EBLN1: variants seen among roughly 807,000 people sequenced by gnomAD.
The protein encoded by EBLN1 is endogenous Bornavirus like nucleoprotein 1, also known as endogenous Bornavirus-like nucleoprotein 1.
A neutral mutation model predicts 0.8 loss-of-function variants in EBLN1; 1 was observed. That is an observed-to-expected ratio of 1.32 (90% CI 0.47 to 6.26). EBLN1 has a LOEUF of 6.26. EBLN1 is among the 30% of genes most tolerant of loss of function. The pLI is 0.15. For missense variants in EBLN1, 396 were observed against 447.9 expected (o/e 0.88, Z 1.05); for synonymous variants, 158 against 158.5 (o/e 1.00, Z 0.02).
chr10:22,214,165 C>T (rs1300263672), intron 1 of EBLN1, among the ~76,000 whole-genome samples: 3 of 152,042 alleles, frequency 2.0e-5, no homozygotes, highest in African/African-American at 7.2e-5. Context: ...TTATACCATC[C>T]ACCCAAATAA....
chr10:22,209,014 T>C lies in EBLN1; in HGVS notation c.970A>G (p.Ile324Val). The C allele has an allele frequency of 6.5e-7, 1 of 1,535,894 alleles. No homozygotes were observed. Among genetic ancestry groups the C allele is most frequent in the Non-Finnish European group, 8.7e-7 (1 of 1,146,918 alleles). ...AATGTAATAGTTGATCCTGGTATAA[T>C]GTCAAGGGCTTCAAATCCAGAAAAT... ...STFSGFEALDIIPGSTITFPV... is the reference protein window; with the variant it reads ...STFSGFEALDVIPGSTITFPV... Residue 324 changes from isoleucine to valine, a missense_variant, in exon 3 of 3, where the codon ATT becomes GTT. Physicochemically the swap from Ile to Val is conservative, Grantham distance 29. Transcript: ENST00000422359.
At chr10:22,215,455 G>A (rs1834785141) in intron 1 of EBLN1, among the ~76,000 whole-genome samples, 1 of 152,112 alleles carries the variant, frequency 6.6e-6, no homozygotes, top group African/African-American at 2.4e-5. Context: ...GAAATTATCA[G>A]CATTGCTAAT....
intron 2 of EBLN1, among the ~76,000 whole-genome samples, chr10:22,211,965 AAACTT>A (rs1042930292): frequency 6.6e-6 from 1 of 152,228 alleles, no homozygotes; most frequent in African/African-American, 2.4e-5. Context: ...TCATGCAACT[AAACTT>A]AACTAGCAGT....
intron 2 of EBLN1, among the ~76,000 whole-genome samples, chr10:22,211,955 T>A (rs1339566514): frequency 6.6e-6 from 1 of 152,230 alleles, no homozygotes; most frequent in Non-Finnish European, 1.5e-5. Flanking sequence ...ATTTAGTTAA[T>A]CATGCAACTA....
Position 22,209,807 on chromosome 10 carries a change from T to G in EBLN1, c.177A>C (p.Ala59=). 2 of 1,534,780 alleles carry G rather than the reference T, an allele frequency of 1.3e-6. No individual in the cohort carries two copies. Among genetic ancestry groups the G allele is most frequent in the South Asian group, 2.4e-5 (2 of 83,906 alleles). ...GTGCTGGGTCTAGCATAGACTTAGT[T>G]GCTTTTTCAATGACCTTAACATCTC... ...GIGDVKVIEK[A]TKSMLDPAQR... Residue 59 remains alanine, a synonymous_variant, in exon 3 of 3, where the codon GCA becomes GCC. Coordinates refer to ENST00000422359, the MANE Select transcript of EBLN1 (RefSeq NM_001394757.1).
In EBLN1 at chr10:22,209,273, G is replaced by A. The variant is rs1485374906; in HGVS notation, c.711C>T (p.Tyr237=). 6.3e-7 allele frequency: 1 copy of A among 1,586,442 alleles called. No homozygotes were observed. Among genetic ancestry groups the A allele is most frequent in the East Asian group, 2.2e-5 (1 of 44,614 alleles). Residue 237 remains tyrosine (Y), a synonymous_variant, in exon 3 of 3, where the codon TAC becomes TAT. Coordinates refer to ENST00000422359, the MANE Select transcript of EBLN1 (RefSeq NM_001394757.1). ...VVASKAQMMT[Y]YTVRMFLDQC... ...GATCCAGGAACATTCTCACAGTGTA[G>A]TAGGTCATCATCTGTGCTTTGCTGG...
Position 22,209,181 on chromosome 10 carries a change from T to G in EBLN1, c.803A>C (p.Lys268Thr). ...TCCAAGTACCTTTTTAGCCAGTGGT[T>G]TCTTCTGCTCAAAAACTGGAATCTC... ...VLEIPVFEQKKPLAKKVLGDF... is the reference protein window; with the variant it reads ...VLEIPVFEQKTPLAKKVLGDF... Residue 268 changes from lysine (K) to threonine (T), a missense_variant, in exon 3 of 3, where the codon AAA (lysine) becomes ACA (threonine). Lys to Thr is a moderately conservative substitution (Grantham distance 78, BLOSUM62 -1). Coordinates refer to ENST00000422359, the MANE Select transcript of EBLN1 (RefSeq NM_001394757.1). 6.5e-7 allele frequency: 1 copy of G among 1,536,200 alleles called. No homozygotes were observed. The highest frequency in any genetic ancestry group is 2.0e-5 in the Admixed American group (1 of 51,020).
At chr10:22,214,320 G>C (rs992015662) in intron 1 of EBLN1, among the ~76,000 whole-genome samples, 1 of 128,092 alleles carries the variant, frequency 7.8e-6, no homozygotes, top group African/African-American at 3.1e-5. Context: ...TTTTTTTTGA[G>C]ACAAGGACTC....
In EBLN1 at chr10:22,212,901, G is replaced by A. The variant is rs1463654732; in HGVS notation, c.-104C>T. Among the ~76,000 whole-genome samples the A allele has an allele frequency of 6.7e-6, 1 of 150,372 alleles. No homozygotes were observed. Among genetic ancestry groups the A allele is most frequent in the African/African-American group, 2.5e-5 (1 of 40,718 alleles). ...AGGATTGCTTGACTCCAGGAGCTCAGAGGTGCAGTGAGCTATGATCATACC... is the reference window on the plus strand; with the variant it reads ...AGGATTGCTTGACTCCAGGAGCTCAAAGGTGCAGTGAGCTATGATCATACC... On this transcript the variant is annotated 5_prime_UTR_variant, in exon 2 of 3. Transcript: ENST00000422359.
Position 22,209,418 on chromosome 10 carries a change from G to A in EBLN1, c.566C>T (p.Ala189Val), listed in dbSNP as rs772561065. The A allele has an allele frequency of 6.9e-6, 11 of 1,602,624 alleles. No individual in the cohort carries two copies. Among genetic ancestry groups the A allele is most frequent in the Non-Finnish European group, 9.3e-6 (11 of 1,179,834 alleles). Residue 189 changes from alanine (A) to valine (V), a missense_variant, in exon 3 of 3, where the codon GCA (alanine) becomes GTA (valine). By Grantham distance (64) the Ala-to-Val change is moderately conservative. Transcript: ENST00000422359. ...ESADLLISYN[A>V]GPAIDWINSR... ...GTTGATCCAATCTATAGCTGGCCCT[G>A]CATTATAGCTAATTAATAAATCAGC...
chr10:22,209,943 T>C lies in EBLN1; in HGVS notation c.41A>G (p.Gln14Arg). 6.9e-7 allele frequency: 1 copy of C among 1,440,128 alleles called. No individual in the cohort carries two copies. The highest frequency in any genetic ancestry group is 2.8e-5 in the Admixed American group (1 of 35,752). The allele number at this position is 1,440,128 out of a possible 1,614,324, so 89.2% of individuals were successfully genotyped here. A position where few individuals can be genotyped will look rare whatever the true frequency, so the allele number is the denominator to read the frequency against. ...PRNNPQTSSP[Q>R]DSTKDGSSFH... Reference sequence around the variant, plus strand: ...GCTGCTCCCATCCTTTGTACTGTCTTGTGGGCTGCTGGTCTGTGGGTTGTT... The same window carrying C: ...GCTGCTCCCATCCTTTGTACTGTCTCGTGGGCTGCTGGTCTGTGGGTTGTT... Residue 14 changes from glutamine (Q) to arginine (R), a missense_variant, in exon 3 of 3, where the codon CAA becomes CGA. By Grantham distance (43) the Gln-to-Arg change is conservative. Transcript: ENST00000422359.
chr10:22,209,601 A>G lies in EBLN1; in HGVS notation c.383T>C (p.Phe128Ser). ...ASKFEDVLPT[F>S]TALEMSSILR... is the part of the protein sequence containing the mutation. ...AATTGATGACATCTCAAGGGCAGTGAAGGTAGGCAAAACATCTTCAAATTT... is the reference window on the plus strand; with the variant it reads ...AATTGATGACATCTCAAGGGCAGTGGAGGTAGGCAAAACATCTTCAAATTT... The change falls in exon 3 of 3, where the codon TTC becomes TCC. Residue 128 changes from phenylalanine to serine, a missense_variant. By Grantham distance (155) the Phe-to-Ser change is radical (BLOSUM62 -2). Transcript: ENST00000422359. The G allele has an allele frequency of 6.5e-7, 1 of 1,536,768 alleles. No individual in the cohort carries two copies. Among genetic ancestry groups the G allele is most frequent in the Non-Finnish European group, 8.7e-7 (1 of 1,147,480 alleles).
At chr10:22,211,694 C>A (rs1231697105) in intron 2 of EBLN1, among the ~76,000 whole-genome samples, 5 of 152,006 alleles carry the variant, frequency 3.3e-5, no homozygotes, top group Non-Finnish European at 1.5e-5. Context: ...AGTTTCGTCA[C>A]TTTGCCCAGG....
intron 2 of EBLN1, 130 bp from the exon 3 acceptor site, chr10:22,210,157 T>A: frequency 1.2e-6 from 1 of 861,240 alleles, no homozygotes; most frequent in Non-Finnish European, 1.5e-6. Flanking sequence ...GTAAAGGAAT[T>A]TCCAAATCTC....
In EBLN1 at chr10:22,208,711, G is replaced by C; in HGVS notation, c.*172C>G. On this transcript the variant is annotated 3_prime_UTR_variant, in exon 3 of 3. Transcript: ENST00000422359. ...TGGAGATCACATCTTTCAGTGGCCA[G>C]AGAATATTGGATGGACTCTTTTAAA... 1 of 731,732 alleles carries C rather than the reference G, an allele frequency of 1.4e-6. No homozygotes were observed. The highest frequency in any genetic ancestry group is 2.0e-6 in the Non-Finnish European group (1 of 503,794). 45.3% of individuals were successfully genotyped at this position (731,732 alleles called of 1,614,324 possible). A position where few individuals can be genotyped will look rare whatever the true frequency, so the allele number is the denominator to read the frequency against.
Position 22,209,031 on chromosome 10 carries a change from C to T in EBLN1, c.953G>A (p.Gly318Glu). The change falls in exon 3 of 3, where the codon GGA becomes GAA. Residue 318 changes from glycine to glutamate, a missense_variant. Gly to Glu is a moderately conservative substitution (Grantham distance 98). Coordinates refer to ENST00000422359, the MANE Select transcript of EBLN1 (RefSeq NM_001394757.1). The stretch of plus-strand genomic sequence containing the variant: ...TGGTATAATGTCAAGGGCTTCAAAT[C>T]CAGAAAATGTGGAATTCCTTCTTTT... ...WAKRRNSTFS[G>E]FEALDIIPGS... The T allele has an allele frequency of 6.5e-7, 1 of 1,536,044 alleles. No homozygotes were observed. The highest frequency in any genetic ancestry group is 2.4e-5 in the East Asian group (1 of 40,916).
chr10:22,208,664 C>T lies in EBLN1; in HGVS notation c.*219G>A, dbSNP rs1249560677. The T allele has an allele frequency of 4.5e-6, 2 of 442,362 alleles. No homozygotes were observed. Among genetic ancestry groups the T allele is most frequent in the Non-Finnish European group, 7.5e-6 (2 of 266,864 alleles). The allele number at this position is 442,362 out of a possible 1,614,324, so 27.4% of individuals were successfully genotyped here. ...TCTACATGTCAAAGCATATTTTTGGCCTCCAGTACTTAAAAAGACTTTGGA... is the reference window on the plus strand; with the variant it reads ...TCTACATGTCAAAGCATATTTTTGGTCTCCAGTACTTAAAAAGACTTTGGA... On this transcript the variant is annotated 3_prime_UTR_variant, in exon 3 of 3. Coordinates refer to ENST00000422359, the MANE Select transcript of EBLN1 (RefSeq NM_001394757.1).
chr10:22,209,111 C>T lies in EBLN1; in HGVS notation c.873G>A (p.Gly291=). The T allele has an allele frequency of 6.5e-7, 1 of 1,536,272 alleles. No homozygotes were observed. ...TTGGGAACATTTGTGGTGATAGCACCCCAATAACAGGGTGGCGAAGTACAC... is the reference window on the plus strand; with the variant it reads ...TTGGGAACATTTGTGGTGATAGCACTCCAATAACAGGGTGGCGAAGTACAC... ...FGGVLRHPVI[G]VLSPQMFPNL... is the part of the protein sequence containing the mutation. Residue 291 remains glycine (G), a synonymous_variant, in exon 3 of 3, where the codon GGG becomes GGA. Transcript: ENST00000422359.
rs1411056473 is a variant in EBLN1 at position 22,209,122 on chromosome 10, G to A, written c.862C>T (p.Pro288Ser). 1.2e-5 allele frequency: 18 copies of A among 1,536,152 alleles called. No individual in the cohort carries two copies. Among genetic ancestry groups the A allele is most frequent in the Non-Finnish European group, 1.4e-5 (16 of 1,146,892 alleles). The change falls in exon 3 of 3, where the codon CCT becomes TCT. Residue 288 changes from proline (P) to serine (S), a missense_variant. Coordinates refer to ENST00000422359, the MANE Select transcript of EBLN1 (RefSeq NM_001394757.1). ...FFEFGGVLRH[P>S]VIGVLSPQMF... Reference sequence around the variant, plus strand: ...TGTGGTGATAGCACCCCAATAACAGGGTGGCGAAGTACACCCCCAAATTCA... The same window carrying A: ...TGTGGTGATAGCACCCCAATAACAGAGTGGCGAAGTACACCCCCAAATTCA...
Sources: gnomAD v4.1 joint callset for allele counts (sites outside exome capture counted in the v4.1 genomes callset) on GRCh38, gnomAD v4.1.1 for gene constraint, MANE v1.5 for transcripts, NCBI Gene and HGNC (gene_info 2026-07-23, HGNC 2026-07-21) for gene names.